KIAA1328: variants seen among roughly 807,000 people sequenced by gnomAD.
KIAA1328 encodes the protein protein hinderin.
In KIAA1328, 52 loss-of-function variants were observed where a neutral mutation model predicts 68.1. The ratio of observed to expected loss-of-function variants is 0.76; its 90% confidence interval spans 0.61 to 0.96. KIAA1328 has a LOEUF of 0.96. KIAA1328 is among the 40% of genes least tolerant of loss of function. The probability of loss-of-function intolerance (pLI) is 0.00; values close to 1 mark genes in which losing one functional copy is unlikely to be tolerated. For synonymous variants in KIAA1328, 232 were observed against 239.4 expected (o/e 0.97, Z 0.28); for missense variants, 641 against 677.6 (o/e 0.95, Z 0.60).
At chr18:37,009,119 A>C (rs1428690023) in intron 6 of KIAA1328, among the ~76,000 whole-genome samples, 3 of 152,222 alleles carry the variant, frequency 2.0e-5, no homozygotes, top group African/African-American at 4.8e-5. Context: ...GCAAGTATAT[A>C]GTCAAGAATG....
chr18:37,143,110 A>G (rs1426486369), intron 7 of KIAA1328, among the ~76,000 whole-genome samples: 3 of 151,830 alleles, frequency 2.0e-5, no homozygotes, highest in African/African-American at 7.3e-5. Context: ...ATGTGCCACC[A>G]CAGTTGGCCA....
chr18:36,837,781 T>G (rs2046728917), intron 3 of KIAA1328, among the ~76,000 whole-genome samples: 1 of 152,142 alleles, frequency 6.6e-6, no homozygotes, highest in Admixed American at 6.5e-5. Context: ...GGTGGTAGTT[T>G]AACTTTATTC....
At chr18:36,953,900 A>G (rs2151242743) in intron 5 of KIAA1328, among the ~76,000 whole-genome samples, 1 of 151,492 alleles carries the variant, frequency 6.6e-6, no homozygotes, top group African/African-American at 2.4e-5. Flanking sequence ...TAGGCCTCCT[A>G]CCCCAAACCT....
chr18:37,111,331 C>A (rs2057923900), intron 7 of KIAA1328, among the ~76,000 whole-genome samples: 1 of 152,138 alleles, frequency 6.6e-6, no homozygotes, highest in East Asian at 1.9e-4. Flanking sequence ...ATTAAACAGA[C>A]CCATCCTGAT....
intron 7 of KIAA1328, among the ~76,000 whole-genome samples, chr18:37,118,020 T>TTTG (rs2058167701): frequency 1.3e-5 from 2 of 151,332 alleles, no homozygotes; most frequent in Non-Finnish European, 2.9e-5. Flanking sequence ...TTTTTTTTTT[T>TTTG]TGAGACACAT....
chr18:37,212,914 T>C (rs562346294), intron 9 of KIAA1328, among the ~76,000 whole-genome samples: 16 of 152,190 alleles, frequency 1.1e-4, no homozygotes, highest in African/African-American at 3.9e-4. Context: ...ATGGGGTTTT[T>C]CACCATGTTG....
chr18:37,114,709 A>G (rs539967292), intron 7 of KIAA1328, among the ~76,000 whole-genome samples: 8 of 152,354 alleles, frequency 5.3e-5, no homozygotes, highest in East Asian at 1.9e-4. Flanking sequence ...TAGAAAATCA[A>G]TGAATCCAGG....
chr18:37,139,215 G>A (rs1348220047), intron 7 of KIAA1328, among the ~76,000 whole-genome samples: 1 of 151,832 alleles, frequency 6.6e-6, no homozygotes, highest in Admixed American at 6.6e-5. Flanking sequence ...TGCCCGCCTC[G>A]GCCTCCCAAA....
intron 6 of KIAA1328, among the ~76,000 whole-genome samples, chr18:37,059,380 G>A (rs1311375852): frequency 6.6e-6 from 1 of 151,956 alleles, no homozygotes; most frequent in Non-Finnish European, 1.5e-5. Context: ...TGGGCAAAGG[G>A]TATGAACAGA....
intron 7 of KIAA1328, among the ~76,000 whole-genome samples, chr18:37,156,285 G>T (rs970811348): frequency 4.0e-5 from 6 of 151,802 alleles, no homozygotes; most frequent in Non-Finnish European, 4.4e-5. Context: ...AAAATTACAG[G>T]CATGGGATTG....
intron 4 of KIAA1328, among the ~76,000 whole-genome samples, chr18:36,862,933 G>A (rs964410918): frequency 6.6e-6 from 1 of 152,030 alleles, no homozygotes; most frequent in Admixed American, 6.6e-5. Flanking sequence ...ATTGTTTCAT[G>A]TGCTTATTAT....
chr18:36,977,284 CTG>C (rs1271853274), intron 6 of KIAA1328, among the ~76,000 whole-genome samples: 1 of 152,142 alleles, frequency 6.6e-6, no homozygotes, highest in Non-Finnish European at 1.5e-5. Context: ...GGCTAGCTAA[CTG>C]TGTTGGTAGC....
At chr18:37,017,102 G>A (rs1334682083) in intron 6 of KIAA1328, among the ~76,000 whole-genome samples, 1 of 151,854 alleles carries the variant, frequency 6.6e-6, no homozygotes, top group African/African-American at 2.4e-5. Context: ...GGTCATTTAC[G>A]ACTTTAAACT....
At chr18:36,900,886 T>A (rs770079560) in intron 5 of KIAA1328, among the ~76,000 whole-genome samples, 1 of 152,002 alleles carries the variant, frequency 6.6e-6, no homozygotes, top group Non-Finnish European at 1.5e-5. Flanking sequence ...AAAGGAAATT[T>A]TAAAAAATCC....
downstream of KIAA1328, among the ~76,000 whole-genome samples, chr18:37,228,488 A>G (rs569779484): frequency 6.6e-6 from 1 of 152,304 alleles, no homozygotes; most frequent in African/African-American, 2.4e-5. Context: ...GTCAGTAGCC[A>G]TCAACATCAA....
At chr18:37,060,759 C>G (rs1417209493) in intron 6 of KIAA1328, among the ~76,000 whole-genome samples, 2 of 152,150 alleles carry the variant, frequency 1.3e-5, no homozygotes, top group East Asian at 1.9e-4. Context: ...TAACCCCTAA[C>G]TAGATACAAT....
chr18:36,894,443 T>C (rs2048803406), intron 5 of KIAA1328, among the ~76,000 whole-genome samples: 1 of 152,164 alleles, frequency 6.6e-6, no homozygotes, highest in Admixed American at 6.6e-5. Flanking sequence ...CTTCATTCCT[T>C]GTGTGCCTGC....
intron 6 of KIAA1328, among the ~76,000 whole-genome samples, chr18:37,025,747 A>G (rs2054547504): frequency 6.6e-6 from 1 of 152,226 alleles, no homozygotes; most frequent in East Asian, 1.9e-4. Flanking sequence ...AATTTATAGC[A>G]CTAAATGCCC....
chr18:37,141,948 T>C (rs556361290), intron 7 of KIAA1328, among the ~76,000 whole-genome samples: 66 of 152,378 alleles, frequency 4.3e-4, no homozygotes, highest in South Asian at 1.4e-3. Flanking sequence ...ATATTTTGGA[T>C]ACAAAGTCTT....
Sources: allele counts gnomAD v4.1 joint callset (sites outside exome capture counted in the v4.1 genomes callset), GRCh38; gene constraint gnomAD v4.1.1; transcripts MANE v1.5; gene names NCBI Gene and HGNC (gene_info 2026-07-23, HGNC 2026-07-21).